Variants in RAPGEF2 observed in about 807,000 individuals in gnomAD.
RAPGEF2 encodes PDZ domain containing guanine nucleotide exchange factor (GEF) 1.
A neutral mutation model predicts 186.7 loss-of-function variants in RAPGEF2; 54 were observed. That is an observed-to-expected ratio of 0.29 (90% CI 0.23 to 0.36). The LOEUF is 0.36. RAPGEF2 is among the 10% of genes least tolerant of loss of function. The pLI is 1.00. For synonymous variants in RAPGEF2, 712 were observed against 705.9 expected, an observed-to-expected ratio of 1.01 and a Z score of -0.14; for missense variants, 1,532 against 2,045.0, an observed-to-expected ratio of 0.75 and a Z score of 4.84.
chr4:159,157,982 CTA>C (rs1744308958), intron 1 of RAPGEF2, among the ~76,000 whole-genome samples: 1 of 151,970 alleles, frequency 6.6e-6, no homozygotes, highest in Non-Finnish European at 1.5e-5. Flanking sequence ...TAGTAAATGT[CTA>C]TGGTGGGGCT....
At chr4:159,177,706 A>C (rs1746585463) in intron 1 of RAPGEF2, among the ~76,000 whole-genome samples, 1 of 152,204 alleles carries the variant, frequency 6.6e-6, no homozygotes, top group Non-Finnish European at 1.5e-5. Context: ...CAATAAACAT[A>C]ATGAAACTTG....
At chr4:159,327,905 T>A (rs951687559) in intron 11 of RAPGEF2, 2 of 151,986 alleles carry the variant, frequency 1.3e-5, no homozygotes, top group African/African-American at 2.4e-5. Context: ...TGCTATAGAA[T>A]AAATGCCAAA....
intron 4 of RAPGEF2, among the ~76,000 whole-genome samples, chr4:159,238,095 C>A (rs556285215): frequency 2.0e-5 from 3 of 151,876 alleles, no homozygotes; most frequent in Admixed American, 6.6e-5. Flanking sequence ...AGAGCTTCAC[C>A]CAAATTCTCT....
Position 159,295,207 on chromosome 4 carries a change from C to T in RAPGEF2, c.544-9135C>T, listed in dbSNP as rs185173618. Among the ~76,000 whole-genome samples, 587 of 152,262 alleles carry T rather than the reference C, an allele frequency of 3.9e-3. 4 individuals carry two copies. The highest frequency in any genetic ancestry group is 0.013 in the African/African-American group (557 of 41,544). On this transcript the variant is annotated intron_variant, in intron 7 of 29. Coordinates refer to ENST00000691494, the MANE Select transcript of RAPGEF2 (RefSeq NM_001394067.2). Reference sequence around the variant, plus strand: ...AGATGAAATACTACCCAGAGCATGACTTTTAAATCACCCAACTCAGTACCA... The same window carrying T: ...AGATGAAATACTACCCAGAGCATGATTTTTAAATCACCCAACTCAGTACCA...
chr4:159,188,262 A>G (rs904049349), intron 2 of RAPGEF2, among the ~76,000 whole-genome samples: 3 of 152,244 alleles, frequency 2.0e-5, no homozygotes, highest in Non-Finnish European at 4.4e-5. Context: ...AAAACCACAC[A>G]TGTAATATTT....
At chr4:159,336,442 A>G (rs1016078820) in intron 17 of RAPGEF2, among the ~76,000 whole-genome samples, 1 of 152,144 alleles carries the variant, frequency 6.6e-6, no homozygotes, top group Non-Finnish European at 1.5e-5. Context: ...TTCCACCATT[A>G]TATCACTTAG....
chr4:159,199,470 GTT>G (rs112495121), intron 3 of RAPGEF2, among the ~76,000 whole-genome samples: 5 of 145,504 alleles, frequency 3.4e-5, no homozygotes, highest in Non-Finnish European at 6.1e-5. Flanking sequence ...GTTCCCGATG[GTT>G]TTTTTTTTTC....
At chr4:159,296,179 A>G (rs953221895) in intron 7 of RAPGEF2, among the ~76,000 whole-genome samples, 4 of 152,192 alleles carry the variant, frequency 2.6e-5, no homozygotes, top group African/African-American at 9.7e-5. Context: ...AAAAATGAAA[A>G]ATCAGCTTCC....
intron 3 of RAPGEF2, among the ~76,000 whole-genome samples, chr4:159,195,710 G>A (rs906708712): frequency 6.6e-6 from 1 of 151,940 alleles, no homozygotes; most frequent in East Asian, 1.9e-4. Flanking sequence ...AATAATGCTT[G>A]TGTACATGCT....
Position 159,104,515 on chromosome 4 carries a change from A to AGAGAGAGAGAGAGAGAGAGG in RAPGEF2, c.69+295_69+296insAGAGAGAGGGAGAGAGAGAG, listed in dbSNP as rs1560964586. Among the ~76,000 whole-genome samples the AGAGAGAGAGAGAGAGAGAGG allele has an allele frequency of 6.1e-5, 8 of 130,314 alleles. 1 individual carries two copies. The highest frequency in any genetic ancestry group is 2.3e-4 in the African/African-American group (7 of 29,838). 85.5% of individuals were successfully genotyped at this position (130,314 alleles called of 152,430 possible). A position where few individuals can be genotyped will look rare whatever the true frequency, so the allele number is the denominator to read the frequency against. On this transcript the variant is annotated intron_variant, in intron 1 of 29. Coordinates refer to ENST00000691494, the MANE Select transcript of RAPGEF2 (RefSeq NM_001394067.2). Reference sequence around the variant, plus strand: ...GAGAGAGAGAGAGAGAGAGAGAGAGAGAGAGAGAGAGGGAGAGACAGAGAG... The same window carrying AGAGAGAGAGAGAGAGAGAGG: ...GAGAGAGAGAGAGAGAGAGAGAGAGAGAGAGAGAGAGAGAGAGAGGGAGAGAGAGAGGGAGAGACAGAGAG...
intron 1 of RAPGEF2, among the ~76,000 whole-genome samples, chr4:159,104,549 A>AGTGTGTGTGT (rs760626474): frequency 1.5e-5 from 2 of 132,040 alleles, no homozygotes; most frequent in Non-Finnish European, 3.2e-5. Context: ...AGAGAGAGAG[A>AGTGTGTGTGT]GAGAGTGTGT....
intron 7 of RAPGEF2, among the ~76,000 whole-genome samples, chr4:159,280,449 G>A (rs535103814): frequency 3.3e-5 from 5 of 152,170 alleles, no homozygotes; most frequent in Admixed American, 1.3e-4. Flanking sequence ...CACTATATTC[G>A]GTCTCTACTC....
At chr4:159,253,358 C>G (rs937533535) in intron 7 of RAPGEF2, among the ~76,000 whole-genome samples, 6 of 152,198 alleles carry the variant, frequency 3.9e-5, no homozygotes, top group African/African-American at 1.4e-4. Flanking sequence ...TAACATCATG[C>G]ATTGGTCACT....
chr4:159,225,175 G>A (rs1387258683), intron 4 of RAPGEF2, among the ~76,000 whole-genome samples: 2 of 152,088 alleles, frequency 1.3e-5, no homozygotes, highest in Non-Finnish European at 2.9e-5. Context: ...GAATACCAGA[G>A]GAAAAGAGGA....
chr4:159,160,738 T>C (rs868095594), intron 1 of RAPGEF2, among the ~76,000 whole-genome samples: 128 of 152,358 alleles, frequency 8.4e-4, no homozygotes, highest in Middle Eastern at 6.8e-3. Flanking sequence ...GTGGATTTGA[T>C]TTAAGTGAAT....
chr4:159,144,696 G>C (rs886438698), intron 1 of RAPGEF2, among the ~76,000 whole-genome samples: 1 of 152,048 alleles, frequency 6.6e-6, no homozygotes, highest in Non-Finnish European at 1.5e-5. Context: ...TCAAGATAAT[G>C]GATTTTTTCC....
At position 159,254,096 on chromosome 4, in the gene RAPGEF2, C is replaced by T. The variant is rs9994339; in HGVS notation, c.543+10305C>T. 5.7e-3 allele frequency among the ~76,000 whole-genome samples: 872 copies of T among 152,260 alleles called. 12 individuals carry two copies. The highest frequency in any genetic ancestry group is 0.019 in the African/African-American group (806 of 41,530). ...TTCATCATACAGAATATTAAAAGGA[C>T]GTATACTAATGGGTGGAGATATAAT... On this transcript the variant is annotated intron_variant, in intron 7 of 29. Coordinates refer to ENST00000691494, the MANE Select transcript of RAPGEF2 (RefSeq NM_001394067.2).
In RAPGEF2 at chr4:159,198,252, CT is replaced by C. The variant is rs1748907234; in HGVS notation, c.197+4999del. On this transcript the variant is annotated intron_variant, in intron 3 of 29. Coordinates refer to ENST00000691494, the MANE Select transcript of RAPGEF2 (RefSeq NM_001394067.2). Reference sequence around the variant, plus strand: ...TTTTCTTTTCTTTCTTTCTTCCTTTCTTTCTTTCTCTTTCTTTCCTTCTTTC... The same window carrying C: ...TTTTCTTTTCTTTCTTTCTTCCTTTCTTCTTTCTCTTTCTTTCCTTCTTTC... 3.8e-5 allele frequency among the ~76,000 whole-genome samples: 4 copies of C among 105,976 alleles called. 1 individual carries two copies. The highest frequency in any genetic ancestry group is 1.7e-4 in the African/African-American group (4 of 23,424). 69.5% of individuals were successfully genotyped at this position (105,976 alleles called of 152,430 possible).
At position 159,353,053 on chromosome 4, in the gene RAPGEF2, T is replaced by C. The variant is rs1731428638; in HGVS notation, c.4091+143T>C. 2.6e-6 allele frequency: 2 copies of C among 777,208 alleles called. No individual in the cohort carries two copies. The highest frequency in any genetic ancestry group is 3.5e-5 in the African/African-American group (2 of 56,824). 48.1% of individuals were successfully genotyped at this position (777,208 alleles called of 1,614,324 possible). ...GCCATCCCAGTTCTGATTTTCACAA[T>C]TTCTACACTAAGTATCATGTTATTT... is the stretch of plus-strand genomic sequence containing the variant. On this transcript the variant is annotated intron_variant, in intron 27 of 29. Transcript: ENST00000691494. The surrounding 1 kb of genome is among the most constrained non-coding windows in gnomAD (Gnocchi z 4.3).
Sources: gnomAD v4.1 joint callset for allele counts (sites outside exome capture counted in the v4.1 genomes callset) on GRCh38, gnomAD v4.1.1 for gene constraint, Gnocchi (gnomAD v3.1) non-coding constraint, MANE v1.5 for transcripts, NCBI Gene and HGNC (gene_info 2026-07-23, HGNC 2026-07-21) for gene names.